ZNF106: variants seen among roughly 807,000 people sequenced by gnomAD.
ZNF106 encodes the protein zinc finger protein 106, also known as SH3-domain binding protein 3.
ZNF106 carries 67 observed loss-of-function variants against 195.1 expected under a neutral mutation model. The ratio of observed to expected loss-of-function variants is 0.34; its 90% confidence interval spans 0.28 to 0.42. The LOEUF is 0.42. ZNF106 is among the 10% of genes least tolerant of loss of function. ZNF106 has a pLI of 1.00. For synonymous variants in ZNF106, 784 were observed against 818.6 expected, an observed-to-expected ratio of 0.96 and a Z score of 0.72; for missense variants, 2,118 against 2,304.5, an observed-to-expected ratio of 0.92 and a Z score of 1.66.
chr15:42,422,757 C>T (rs1357599319), intron 17 of ZNF106, 137 bp from the exon 18 acceptor site: 2 of 830,718 alleles, frequency 2.4e-6, no homozygotes, highest in African/African-American at 1.7e-5. Context: ...ATTAACTGTA[C>T]AAATACAGTT....
chr15:42,479,920 G>C (rs2056865762), intron 1 of ZNF106, among the ~76,000 whole-genome samples: 1 of 152,128 alleles, frequency 6.6e-6, no homozygotes, highest in Admixed American at 6.6e-5. Flanking sequence ...CACAAACATG[G>C]CTCACTGCAG....
intron 1 of ZNF106, among the ~76,000 whole-genome samples, chr15:42,479,976 A>C (rs1461304348): frequency 6.6e-6 from 1 of 152,140 alleles, no homozygotes; most frequent in Non-Finnish European, 1.5e-5. Flanking sequence ...TCAGCCTCCC[A>C]AGTAGCTAGG....
intron 16 of ZNF106, 32 bp from the exon 17 acceptor site, chr15:42,424,092 G>T: frequency 6.3e-7 from 1 of 1,581,904 alleles, no homozygotes; most frequent in East Asian, 2.2e-5. Flanking sequence ...GTCAGATTCT[G>T]TATACGGTTC....
intron 1 of ZNF106, among the ~76,000 whole-genome samples, chr15:42,478,512 C>CTTTTTT (rs58475332): frequency 1.9e-4 from 15 of 77,570 alleles, no homozygotes; most frequent in South Asian, 4.7e-4. Context: ...TCCTCTTTTT[C>CTTTTTT]TTTTTTTTTT....
chr15:42,422,682 T>C, intron 17 of ZNF106, 62 bp from the exon 18 acceptor site: 1 of 1,520,850 alleles, frequency 6.6e-7, no homozygotes, highest in Non-Finnish European at 8.8e-7. Flanking sequence ...CTGGTTATAA[T>C]TCTATAATTC....
At chr15:42,480,324 A>G (rs2056873440) in intron 1 of ZNF106, among the ~76,000 whole-genome samples, 1 of 152,154 alleles carries the variant, frequency 6.6e-6, no homozygotes, top group Non-Finnish European at 1.5e-5. Flanking sequence ...CTCTGGTGAT[A>G]CTTTTTATAT....
chr15:42,450,264 C>T lies in ZNF106; in HGVS notation c.2008G>A (p.Val670Ile). Residue 670 changes from valine (V) to isoleucine (I), a missense_variant, in exon 5 of 22, where the codon GTT (valine) becomes ATT (isoleucine). Val to Ile is a conservative substitution (Grantham distance 29). Transcript: ENST00000564754. ...TGTAATTCAGATTCTTTCTGGCGAA[C>T]TATGGGATTACATGGGGAAGTGGAT... ...ELSTSPCNPIVRQKESELQMT... is the reference protein window; with the variant it reads ...ELSTSPCNPIIRQKESELQMT... 2 of 1,614,194 alleles carry T rather than the reference C, an allele frequency of 1.2e-6. No individual in the cohort carries two copies. The highest frequency in any genetic ancestry group is 1.7e-6 in the Non-Finnish European group (2 of 1,180,036).
At chr15:42,465,706 T>C (rs2056500200) in intron 3 of ZNF106, among the ~76,000 whole-genome samples, 1 of 152,206 alleles carries the variant, frequency 6.6e-6, no homozygotes, top group South Asian at 2.1e-4. Context: ...ATGCAATAAT[T>C]TGTAACACTG....
intron 20 of ZNF106, among the ~76,000 whole-genome samples, chr15:42,419,894 G>A (rs1047859831): frequency 5.3e-5 from 8 of 152,144 alleles, no homozygotes; most frequent in Non-Finnish European, 8.8e-5. Context: ...AGGTTGCAGT[G>A]AGCCGAGATT....
At position 42,466,042 on chromosome 15, in the gene ZNF106, C is replaced by A; in HGVS notation, c.116+11G>T. On this transcript the variant is annotated intron_variant, in intron 3 of 21. Coordinates refer to ENST00000564754, the MANE Select transcript of ZNF106 (RefSeq NM_001366845.3). The stretch of plus-strand genomic sequence containing the variant: ...CATTCACAAACTTATGGAAGAGAGC[C>A]GTTCCCATACCTGCCCTTGAGGTTC... 1 of 1,532,544 alleles carries A rather than the reference C, an allele frequency of 6.5e-7. No individual in the cohort carries two copies. Among genetic ancestry groups the A allele is most frequent in the South Asian group, 1.2e-5 (1 of 83,342 alleles). 94.9% of individuals were successfully genotyped at this position (1,532,544 alleles called of 1,614,324 possible).
At chr15:42,482,692 C>T (rs1336634154) in intron 1 of ZNF106, among the ~76,000 whole-genome samples, 1 of 151,978 alleles carries the variant, frequency 6.6e-6, no homozygotes, top group African/African-American at 2.4e-5. Flanking sequence ...CCACACCTGG[C>T]TAATTTTTTT....
At chr15:42,440,455 AAATACT>A (rs2055455848) in intron 10 of ZNF106, among the ~76,000 whole-genome samples, 1 of 152,206 alleles carries the variant, frequency 6.6e-6, no homozygotes, top group Non-Finnish European at 1.5e-5. Context: ...TTGTAATATA[AAATACT>A]TTAGATAAAT....
chr15:42,487,894 A>C (rs2057052332), intron 1 of ZNF106, among the ~76,000 whole-genome samples: 1 of 152,162 alleles, frequency 6.6e-6, no homozygotes, highest in Non-Finnish European at 1.5e-5. Flanking sequence ...TTGTCCCTCG[A>C]TATCCATGGG....
intron 1 of ZNF106, among the ~76,000 whole-genome samples, chr15:42,472,726 G>A (rs1378999268): frequency 1.3e-5 from 2 of 152,108 alleles, no homozygotes; most frequent in Non-Finnish European, 2.9e-5. Context: ...GTTTAATTCA[G>A]AATGGACAGG....
chr15:42,413,478 G>T lies in ZNF106; in HGVS notation c.*3826C>A, dbSNP rs994295834. The T allele has an allele frequency of 6.6e-5, 10 of 152,534 alleles. No homozygotes were observed. Among genetic ancestry groups the T allele is most frequent in the Non-Finnish European group, 1.5e-4 (10 of 68,030 alleles). The allele number at this position is 152,534 out of a possible 1,614,324, so 9.4% of individuals were successfully genotyped here. A position where few individuals can be genotyped will look rare whatever the true frequency, so the allele number is the denominator to read the frequency against. ...AAACTGCAGTTATTTGAGCAAACCA[G>T]AGCATATGTGCTGTTCAAATCCCAC... On this transcript the variant is annotated 3_prime_UTR_variant, in exon 22 of 22. Coordinates refer to ENST00000564754, the MANE Select transcript of ZNF106 (RefSeq NM_001366845.3).
chr15:42,465,913 G>T, intron 3 of ZNF106, 140 bp downstream of exon 3: 1 of 586,764 alleles, frequency 1.7e-6, no homozygotes, highest in Non-Finnish European at 2.8e-6. Flanking sequence ...TACTACACTT[G>T]GTATTAATTC....
intron 4 of ZNF106, among the ~76,000 whole-genome samples, chr15:42,454,275 C>A (rs1193900127): frequency 6.6e-6 from 1 of 151,750 alleles, no homozygotes; most frequent in Non-Finnish European, 1.5e-5. Context: ...ACAGGAGACT[C>A]TTTAGAAAGT....
intron 10 of ZNF106, chr15:42,441,846 C>T (rs1408732772): frequency 5.4e-6 from 2 of 370,662 alleles, no homozygotes; most frequent in Non-Finnish European, 9.6e-6. Context: ...ACAAAGTCAA[C>T]TCTAACCCTA....
Position 42,437,090 on chromosome 15 carries a change from T to G in ZNF106, c.4746+142A>C, listed in dbSNP as rs904621921. ...GTCCCCAGTGACCTTGCTGAGCTTC[T>G]GGATTAAATGCATCTAAAGTCAATC... is the stretch of plus-strand genomic sequence containing the variant. On this transcript the variant is annotated intron_variant, in intron 13 of 21. Transcript: ENST00000564754. 5 of 797,102 alleles carry G rather than the reference T, an allele frequency of 6.3e-6. No homozygotes were observed. In the African/African-American group the frequency reaches 8.9e-5, roughly 14 times the overall value. The allele number at this position is 797,102 out of a possible 1,614,324, so 49.4% of individuals were successfully genotyped here. A position where few individuals can be genotyped will look rare whatever the true frequency, so the allele number is the denominator to read the frequency against.
Sources: gnomAD v4.1 joint callset for allele counts (sites outside exome capture counted in the v4.1 genomes callset) on GRCh38, gnomAD v4.1.1 for gene constraint, MANE v1.5 for transcripts, NCBI Gene and HGNC (gene_info 2026-07-23, HGNC 2026-07-21) for gene names.